Variants in YTHDF2 observed in about 807,000 individuals in gnomAD.
YTHDF2 encodes the protein YTH N6-methyladenosine RNA binding protein F2, also known as YTH domain-containing family protein 2.
A neutral mutation model predicts 50.4 loss-of-function variants in YTHDF2; 2 were observed. The ratio of observed to expected loss-of-function variants is 0.04; its 90% CI spans 0.02 to 0.12. The LOEUF (loss-of-function observed/expected upper bound fraction) is 0.12. YTHDF2 is among the 10% of genes least tolerant of loss of function. The pLI is 1.00. For synonymous variants in YTHDF2, 217 were observed against 255.6 expected (o/e 0.85, Z 1.44); for missense variants, 483 against 722.6 (o/e 0.67, Z 3.80).
chr1:28,744,047 G>GT, intron 4 of YTHDF2, 61 bp downstream of exon 4: 3 of 1,456,184 alleles, frequency 2.1e-6, no homozygotes, highest in Non-Finnish European at 2.7e-6. Context: ...AACAGAAGAG[G>GT]TATTATATAG....
intron 4 of YTHDF2, among the ~76,000 whole-genome samples, chr1:28,758,233 G>A (rs571798780): frequency 1.3e-5 from 2 of 152,202 alleles, no homozygotes; most frequent in Admixed American, 1.3e-4. Flanking sequence ...AGGTGTGGTG[G>A]CGTGCACCTG....
intron 3 of YTHDF2, among the ~76,000 whole-genome samples, chr1:28,738,912 G>T (rs969294983): frequency 6.6e-6 from 1 of 152,194 alleles, no homozygotes; most frequent in Non-Finnish European, 1.5e-5. Flanking sequence ...ACTGTATTGA[G>T]AACGTAATAC....
chr1:28,767,929 G>A (rs1361650076), intron 4 of YTHDF2, among the ~76,000 whole-genome samples: 4 of 150,988 alleles, frequency 2.6e-5, no homozygotes, highest in East Asian at 2.0e-4. Context: ...GAGGCCGGGC[G>A]CGGTGGCTCA....
chr1:28,758,444 T>C (rs1360272948), intron 4 of YTHDF2, among the ~76,000 whole-genome samples: 2 of 152,182 alleles, frequency 1.3e-5, no homozygotes, highest in Admixed American at 6.5e-5. Context: ...TTTGTGGACA[T>C]ATAAAGAGAA....
In YTHDF2 at chr1:28,749,179, CTTTTTTTTTTT is replaced by C. The variant is rs60729215; in HGVS notation, c.1716+5206_1716+5216del. Among the ~76,000 whole-genome samples the C allele has an allele frequency of 5.7e-4, 61 of 107,430 alleles. No homozygotes were observed. The Middle Eastern group carries it at 0.016, about 28-fold the overall frequency. 70.5% of individuals were successfully genotyped at this position (107,430 alleles called of 152,430 possible). A position where few individuals can be genotyped will look rare whatever the true frequency, so the allele number is the denominator to read the frequency against. On this transcript the variant is annotated intron_variant, in intron 4 of 4. Transcript: ENST00000373812. ...AACAGTTAAGAGCCTTTCTTTCTTC[CTTTTTTTTTTT>C]TTTTTTTTTTTTGATACGGGAGTCT...
In YTHDF2 at chr1:28,742,889, G is replaced by A. The variant is rs376682424; in HGVS notation, c.619G>A (p.Val207Ile). ...AGTTGCAAGCAATGTTCCAAAAGTT[G>A]TAGGTTCTGCTGTTGGTAGCGGGTC... The part of the protein sequence containing the change: ...TEVASNVPKV[V>I]GSAVGSGSIT... The change falls in exon 4 of 5, where the codon GTA (valine) becomes ATA (isoleucine). Residue 207 changes from valine to isoleucine, a missense_variant. Around this residue, in one of 4 missense-constraint regions of YTHDF2, gnomAD observed 385 missense variants for 475.8 expected, o/e 0.81. Coordinates refer to ENST00000373812, the MANE Select transcript of YTHDF2 (RefSeq NM_016258.3). 20 of 1,614,042 alleles carry A rather than the reference G, an allele frequency of 1.2e-5. No homozygotes were observed. The African/African-American group carries it at 2.7e-4, about 22-fold the overall frequency.
chr1:28,749,179 C>CTTT (rs60729215), intron 4 of YTHDF2, among the ~76,000 whole-genome samples: 86 of 107,416 alleles, frequency 8.0e-4, no homozygotes, highest in Non-Finnish European at 1.1e-3. Flanking sequence ...TTCTTTCTTC[C>CTTT]TTTTTTTTTT....
At chr1:28,766,404 A>G (rs74640552) in intron 4 of YTHDF2, among the ~76,000 whole-genome samples, 9,106 of 152,174 alleles carry the variant, frequency 0.06, 368 homozygotes, top group East Asian at 0.14. Context: ...GGAGTGAGCT[A>G]TTGCGCCCAG....
chr1:28,743,500 C>T lies in YTHDF2; in HGVS notation c.1230C>T (p.Gly410=), dbSNP rs759573220. The change falls in exon 4 of 5, where the codon GGC becomes GGT. Residue 410 remains glycine, a synonymous_variant. Coordinates refer to ENST00000373812, the MANE Select transcript of YTHDF2 (RefSeq NM_016258.3). The surrounding 1 kb of genome is among the most constrained non-coding windows in gnomAD (Gnocchi z 6.9). The part of the protein sequence containing the change: ...PKDFDWNLKH[G]RVFIIKSYSE... ...ATTTTGACTGGAATCTGAAACATGG[C>T]CGGGTTTTCATCATTAAGAGCTACT... is the stretch of plus-strand genomic sequence containing the variant. 2.3e-5 allele frequency: 37 copies of T among 1,613,972 alleles called. No individual in the cohort carries two copies. Among genetic ancestry groups the T allele is most frequent in the Non-Finnish European group, 3.0e-5 (35 of 1,180,040 alleles).
At chr1:28,744,740 C>T (rs2087832629) in intron 4 of YTHDF2, among the ~76,000 whole-genome samples, 2 of 152,026 alleles carry the variant, frequency 1.3e-5, no homozygotes, top group South Asian at 2.1e-4. Context: ...ATGATGTCCG[C>T]CCACTCCAGC....
intron 4 of YTHDF2, among the ~76,000 whole-genome samples, chr1:28,758,516 A>G (rs2088067265): frequency 6.6e-6 from 1 of 152,226 alleles, no homozygotes; most frequent in South Asian, 2.1e-4. Context: ...CACAAGTCTC[A>G]AAATGGAATG....
At chr1:28,753,235 A>C (rs1477875486) in intron 4 of YTHDF2, among the ~76,000 whole-genome samples, 1 of 151,290 alleles carries the variant, frequency 6.6e-6, no homozygotes, top group Non-Finnish European at 1.5e-5. Context: ...AAAAGTAGAG[A>C]AATGGCTAGG....
intron 3 of YTHDF2, among the ~76,000 whole-genome samples, chr1:28,739,947 G>A (rs1320147732): frequency 6.6e-6 from 1 of 152,154 alleles, no homozygotes; most frequent in East Asian, 1.9e-4. Flanking sequence ...GCCCTGAAAG[G>A]TCAAGAAATT....
intron 1 of YTHDF2, 58 bp from the exon 2 acceptor site, chr1:28,737,600 C>G (rs2087714052): frequency 6.2e-7 from 1 of 1,612,600 alleles, no homozygotes; most frequent in African/African-American, 1.3e-5. Flanking sequence ...ATTTGTTCTT[C>G]CTTTTCCATT....
intron 4 of YTHDF2, among the ~76,000 whole-genome samples, chr1:28,747,585 C>T (rs938598674): frequency 9.1e-5 from 13 of 142,192 alleles, no homozygotes; most frequent in African/African-American, 3.4e-4. Context: ...ACGAATCTCA[C>T]TCTGTCGCCC....
At chr1:28,760,511 G>A (rs990535914) in intron 4 of YTHDF2, among the ~76,000 whole-genome samples, 3 of 152,026 alleles carry the variant, frequency 2.0e-5, no homozygotes, top group African/African-American at 7.2e-5. Context: ...AGCCAGGATG[G>A]TCTGAAATCT....
chr1:28,759,808 T>C (rs1015644243), intron 4 of YTHDF2, among the ~76,000 whole-genome samples: 2 of 151,702 alleles, frequency 1.3e-5, no homozygotes, highest in African/African-American at 4.8e-5. Context: ...ATACAAAACC[T>C]AGCCGGGCGT....
chr1:28,755,187 G>A (rs2088018599), intron 4 of YTHDF2, among the ~76,000 whole-genome samples: 1 of 152,142 alleles, frequency 6.6e-6, no homozygotes, highest in Non-Finnish European at 1.5e-5. Context: ...GGTTGTATTG[G>A]CTTTTGGAAA....
At chr1:28,744,940 C>T (rs1053055245) in intron 4 of YTHDF2, among the ~76,000 whole-genome samples, 8 of 152,110 alleles carry the variant, frequency 5.3e-5, no homozygotes, top group African/African-American at 1.7e-4. Flanking sequence ...GCTGGGATTA[C>T]AGGTGTGAGC....
Sources: allele counts gnomAD v4.1 joint callset (sites outside exome capture counted in the v4.1 genomes callset), GRCh38; gene constraint gnomAD v4.1.1; regional missense constraint gnomAD v4.1.1; non-coding constraint Gnocchi (gnomAD v3.1); transcripts MANE v1.5; gene names NCBI Gene and HGNC (gene_info 2026-07-23, HGNC 2026-07-21).